The following TBK1 variants were observed in gnomAD, a reference collection of about 807,000 sequenced individuals.
The protein encoded by TBK1 is TANK binding kinase 1, also known as serine/threonine-protein kinase TBK1.
A neutral mutation model predicts 99.9 loss-of-function variants in TBK1; 37 were observed. That is an observed-to-expected ratio of 0.37 (90% CI 0.28 to 0.49). TBK1 has a LOEUF of 0.49. Ranked by LOEUF, TBK1 falls within the 20% of genes least tolerant of loss-of-function variation. The pLI is 0.98. For missense variants in TBK1, 644 were observed against 872.5 expected, an observed-to-expected ratio of 0.74 and a Z score of 3.30; for synonymous variants, 258 against 279.8, an observed-to-expected ratio of 0.92 and a Z score of 0.78.
rs1868248691 is a variant in TBK1, at chr12:64,501,810, G to A, written c.*429G>A. 6.3e-6 allele frequency: 1 copy of A among 159,504 alleles called. No individual in the cohort carries two copies. The highest frequency in any genetic ancestry group is 2.4e-5 in the African/African-American group (1 of 41,552). 9.9% of individuals were successfully genotyped at this position (159,504 alleles called of 1,614,324 possible). A position where few individuals can be genotyped will look rare whatever the true frequency, so the allele number is the denominator to read the frequency against. ...TAGAACGGTGGCTACTGTGAGTGGG[G>A]AGCAGAACCGCACCACTGTTATACT... On this transcript the variant is annotated 3_prime_UTR_variant, in exon 21 of 21. Transcript: ENST00000331710.
At chr12:64,456,019 T>C in intron 2 of TBK1, 62 bp downstream of exon 2, 1 of 1,163,636 alleles carries the variant, frequency 8.6e-7, no homozygotes, top group Non-Finnish European at 1.2e-6. Flanking sequence ...CTAAGATGCA[T>C]GTTGACACTA....
intron 4 of TBK1, among the ~76,000 whole-genome samples, 156 bp downstream of exon 4, chr12:64,464,619 C>T (rs2040583837): frequency 6.6e-6 from 1 of 152,056 alleles, no homozygotes. Context: ...AATTGGATTT[C>T]ATCAGCATTA....
At chr12:64,482,884 T>A (rs919388815) in intron 8 of TBK1, among the ~76,000 whole-genome samples, 2 of 152,210 alleles carry the variant, frequency 1.3e-5, no homozygotes, top group African/African-American at 4.8e-5. Flanking sequence ...AATGCATGAC[T>A]GTACACATAC....
At chr12:64,496,488 A>G in intron 16 of TBK1, 82 bp downstream of exon 16, 1 of 616,874 alleles carries the variant, frequency 1.6e-6, no homozygotes, top group Non-Finnish European at 2.6e-6. Context: ...TTAAAGTTGA[A>G]ATTAATTACA....
chr12:64,465,238 A>G (rs11531252), intron 4 of TBK1, among the ~76,000 whole-genome samples: 1,071 of 96,896 alleles, frequency 0.011, 44 homozygotes, highest in Admixed American at 0.085. Flanking sequence ...AAGCAAGACT[A>G]TCTCAAAAAA....
intron 11 of TBK1, among the ~76,000 whole-genome samples, chr12:64,487,872 A>G (rs1287593715): frequency 1.3e-5 from 2 of 152,196 alleles, no homozygotes; most frequent in Admixed American, 6.5e-5. Context: ...CTTCAATTAT[A>G]TATTTCTTAC....
At position 64,452,156 on chromosome 12, in the gene TBK1, C is replaced by T. The variant is rs907756952; in HGVS notation, c.-63C>T. 1 of 152,282 alleles carries T rather than the reference C, an allele frequency of 6.6e-6. No homozygotes were observed. The highest frequency in any genetic ancestry group is 1.5e-5 in the Non-Finnish European group (1 of 68,160). 9.4% of individuals were successfully genotyped at this position (152,282 alleles called of 1,614,324 possible). A position where few individuals can be genotyped will look rare whatever the true frequency, so the allele number is the denominator to read the frequency against. ...GAGTCTCGAGGAGGCCGCGGGAGCCCGCCGGCGGTGGCGCGGCGGAGACCC... is the reference window on the plus strand; with the variant it reads ...GAGTCTCGAGGAGGCCGCGGGAGCCTGCCGGCGGTGGCGCGGCGGAGACCC... On this transcript the variant is annotated 5_prime_UTR_variant, in exon 1 of 21. Coordinates refer to ENST00000331710, the MANE Select transcript of TBK1 (RefSeq NM_013254.4).
At chr12:64,457,673 A>G (rs899022692) in intron 2 of TBK1, among the ~76,000 whole-genome samples, 9 of 152,212 alleles carry the variant, frequency 5.9e-5, no homozygotes, top group African/African-American at 2.2e-4. Context: ...CAATAGTGAT[A>G]GAGACTGGAT....
intron 11 of TBK1, among the ~76,000 whole-genome samples, chr12:64,487,867 A>G (rs1214939792): frequency 6.6e-6 from 1 of 152,186 alleles, no homozygotes; most frequent in African/African-American, 2.4e-5. Context: ...AAGCCCTTCA[A>G]TTATATATTT....
At chr12:64,466,116 G>A (rs2040601082) in intron 4 of TBK1, among the ~76,000 whole-genome samples, 1 of 152,116 alleles carries the variant, frequency 6.6e-6, no homozygotes, top group African/African-American at 2.4e-5. Context: ...AATATTACTA[G>A]TATGCTACAG....
chr12:64,457,259 G>A (rs969610536), intron 2 of TBK1, among the ~76,000 whole-genome samples: 5 of 152,156 alleles, frequency 3.3e-5, no homozygotes, highest in African/African-American at 1.2e-4. Flanking sequence ...ACCCTTTATG[G>A]CTCATAGAGA....
intron 5 of TBK1, among the ~76,000 whole-genome samples, chr12:64,471,562 A>G (rs1048578545): frequency 5.3e-5 from 8 of 152,224 alleles, no homozygotes; most frequent in Admixed American, 3.3e-4. Context: ...CATGTTGGCC[A>G]GGCTAGTCTC....
At chr12:64,484,123 T>C in intron 8 of TBK1, 180 bp from the exon 9 acceptor site, 1 of 496,276 alleles carries the variant, frequency 2.0e-6, no homozygotes, top group Non-Finnish European at 3.6e-6. Flanking sequence ...AATTGCTTAC[T>C]GTATGGACAG....
chr12:64,493,337 T>C (rs532302892), intron 13 of TBK1, among the ~76,000 whole-genome samples: 1 of 152,234 alleles, frequency 6.6e-6, no homozygotes, highest in Non-Finnish European at 1.5e-5. Context: ...TCAGAGTGGC[T>C]CCTGGGCCAC....
rs538923807 is a variant in TBK1, at chr12:64,485,813, G to A, written c.1249-113G>A. ...AACTCTTAGAAATTGGTGGTTTATT[G>A]TGTTTTTAATTAACCTGATAAAAAT... On this transcript the variant is annotated intron_variant, in intron 10 of 20. Transcript: ENST00000331710. 425 of 648,842 alleles carry A rather than the reference G, an allele frequency of 6.6e-4. 7 individuals are homozygous for A. In the South Asian group the frequency reaches 8.5e-3, roughly 13 times the overall value. 40.2% of individuals were successfully genotyped at this position (648,842 alleles called of 1,614,324 possible).
chr12:64,457,897 AC>A (rs1195401264), intron 2 of TBK1, among the ~76,000 whole-genome samples: 1 of 152,226 alleles, frequency 6.6e-6, no homozygotes, highest in African/African-American at 2.4e-5. Context: ...TATGTACTTT[AC>A]CCATTATAGT....
At position 64,455,908 on chromosome 12, in the gene TBK1, A is replaced by G. The variant is rs371540185; in HGVS notation, c.38A>G (p.Asp13Gly). The G allele has an allele frequency of 1.2e-6, 2 of 1,613,786 alleles. No individual in the cohort carries two copies. The highest frequency in any genetic ancestry group is 1.3e-5 in the African/African-American group (1 of 74,884). ...TCTAATCATCTGTGGCTTTTATCTGATATTTTAGGCCAAGGAGCTACTGCA... is the reference window on the plus strand; with the variant it reads ...TCTAATCATCTGTGGCTTTTATCTGGTATTTTAGGCCAAGGAGCTACTGCA... ...STSNHLWLLS[D>G]ILGQGATANV... The change falls in exon 2 of 21, where the codon GAT (aspartate) becomes GGT (glycine). Residue 13 changes from aspartate to glycine, a missense_variant. Asp to Gly is a moderately conservative substitution (Grantham distance 94, BLOSUM62 -1). Transcript: ENST00000331710.
rs1206719425 is a variant in TBK1 at position 64,479,096 on chromosome 12, T to A, written c.702-916T>A. Among the ~76,000 whole-genome samples the A allele has an allele frequency of 3.3e-5, 5 of 152,268 alleles. 1 individual carries two copies. Among genetic ancestry groups the A allele is most frequent in the Admixed American group, 3.3e-4 (5 of 15,286 alleles). ...GATTGAAGTACTCAGTAATAATAATTGTTTTACTTTACTAATGAAAGATAT... is the reference window on the plus strand; with the variant it reads ...GATTGAAGTACTCAGTAATAATAATAGTTTTACTTTACTAATGAAAGATAT... On this transcript the variant is annotated intron_variant, in intron 6 of 20. Coordinates refer to ENST00000331710, the MANE Select transcript of TBK1 (RefSeq NM_013254.4).
chr12:64,475,299 G>T (rs1345741545), intron 6 of TBK1, among the ~76,000 whole-genome samples: 1 of 151,074 alleles, frequency 6.6e-6, no homozygotes, highest in South Asian at 2.1e-4. Flanking sequence ...GATTCAGAGG[G>T]TATGTGTGAA....
Sources: gnomAD v4.1 joint callset for allele counts (sites outside exome capture counted in the v4.1 genomes callset) on GRCh38, gnomAD v4.1.1 for gene constraint, MANE v1.5 for transcripts, NCBI Gene and HGNC (gene_info 2026-07-23, HGNC 2026-07-21) for gene names.